MYH8: variants seen among roughly 807,000 people sequenced by gnomAD.
MYH8 encodes the protein myosin-8.
In MYH8, 168 loss-of-function variants were observed where a neutral mutation model predicts 233.2. The ratio of observed to expected loss-of-function variants is 0.72; its 90% confidence interval spans 0.64 to 0.82. MYH8 has a LOEUF of 0.82. Among genes scored for constraint, MYH8 ranks in the 40% least tolerant of loss-of-function variants. The pLI, the probability that MYH8 is intolerant of heterozygous loss-of-function variation, is 0.00. For synonymous variants in MYH8, 785 were observed against 850.6 expected (o/e 0.92, Z 1.34); for missense variants, 1,995 against 2,327.8 (o/e 0.86, Z 2.94).
rs555824469 is a variant in MYH8, at chr17:10,418,496, A to T, written c.511+149T>A. ...AGGTAGCTGCTGGGAAGAGCATAAG[A>T]TGTCACAGCTGTGAAAGTTTTTTGA... On this transcript the variant is annotated intron_variant, in intron 5 of 39. Transcript: ENST00000403437. 3.6e-6 allele frequency: 5 copies of T among 1,384,096 alleles called. No homozygotes were observed. The South Asian group carries it at 5.0e-5, about 14-fold the overall frequency. 85.7% of individuals were successfully genotyped at this position (1,384,096 alleles called of 1,614,324 possible).
At position 10,415,944 on chromosome 17, in the gene MYH8, G is replaced by A. The variant is rs995033079; in HGVS notation, c.512-236C>T. 1.3e-5 allele frequency among the ~76,000 whole-genome samples: 2 copies of A among 152,126 alleles called. No individual in the cohort carries two copies. The highest frequency in any genetic ancestry group is 4.8e-5 in the African/African-American group (2 of 41,420). ...ATTTATTAATTTTTAATTGCGATGA[G>A]ATACACATAACATAAAATTTACCAT... is the stretch of plus-strand genomic sequence containing the variant. On this transcript the variant is annotated intron_variant, in intron 5 of 39. Transcript: ENST00000403437. The surrounding 1 kb of genome is among the most constrained non-coding windows in gnomAD (Gnocchi z 4.1).
intron 14 of MYH8, among the ~76,000 whole-genome samples, chr17:10,411,576 A>G (rs2072245289): frequency 6.6e-6 from 1 of 152,166 alleles, no homozygotes; most frequent in African/African-American, 2.4e-5. Flanking sequence ...GTAAAAGGGA[A>G]AGGAGTTGAT....
intron 38 of MYH8, 67 bp downstream of exon 38, chr17:10,392,475 A>T (rs2072034904): frequency 7.3e-7 from 1 of 1,361,178 alleles, no homozygotes; most frequent in Non-Finnish European, 1.1e-6. Flanking sequence ...ATAAATAAAT[A>T]GTCATAAGGT....
chr17:10,416,777 A>G (rs2072293591), intron 5 of MYH8, among the ~76,000 whole-genome samples: 1 of 152,180 alleles, frequency 6.6e-6, no homozygotes, highest in South Asian at 2.1e-4. Context: ...GGTTATTAAT[A>G]TTTGGCCAAT....
Position 10,396,212 on chromosome 17 carries a change from A to G in MYH8, c.4653+118T>C. 8.3e-7 allele frequency: 1 copy of G among 1,204,972 alleles called. No homozygotes were observed. Among genetic ancestry groups the G allele is most frequent in the Non-Finnish European group, 1.2e-6 (1 of 848,844 alleles). The allele number at this position is 1,204,972 out of a possible 1,614,324, so 74.6% of individuals were successfully genotyped here. Reference sequence around the variant, plus strand: ...ATTTACATTTTTAAGGATTTTGATAACTATTGCCAAGTTGTCCTTCATAAA... The same window carrying G: ...ATTTACATTTTTAAGGATTTTGATAGCTATTGCCAAGTTGTCCTTCATAAA... On this transcript the variant is annotated intron_variant, in intron 33 of 39. Transcript: ENST00000403437. This position sits in a 1 kb window ranked among gnomAD's most constrained non-coding sequence, Gnocchi z 4.2.
intron 17 of MYH8, 109 bp from the exon 18 acceptor site, chr17:10,407,088 G>T: frequency 1.2e-6 from 1 of 833,098 alleles, no homozygotes; most frequent in Non-Finnish European, 2.0e-6. Context: ...GCATGCATCT[G>T]TGAGGCTTCA....
In MYH8 at chr17:10,415,107, G is replaced by A. The variant is rs75468422; in HGVS notation, c.805+9C>T. The A allele has an allele frequency of 7.7e-4, 1,239 of 1,610,198 alleles. 9 individuals are homozygous for A. The African/African-American group carries it at 0.014, about 18-fold the overall frequency. On this transcript the variant is annotated intron_variant, in intron 9 of 39. Transcript: ENST00000403437. The surrounding 1 kb of genome is among the most constrained non-coding windows in gnomAD (Gnocchi z 4.1). ...CTCTGTTTTGATTTTCAATGGTCCT[G>A]TTACTCACATGTTTCTATATCAGCA...
chr17:10,398,537 C>T lies in MYH8; in HGVS notation c.4085G>A (p.Arg1362Lys). 3.1e-6 allele frequency: 5 copies of T among 1,614,170 alleles called. No homozygotes were observed. Among genetic ancestry groups the T allele is most frequent in the Non-Finnish European group, 4.2e-6 (5 of 1,180,034 alleles). ...EEQEGKAELQ[R>K]ALSKANSEVA... ...CTCACTGTTGGCCTTGGACAGCGCC[C>T]TCTGCAGCTCAGCTTTGCCTTCCTG... Residue 1362 changes from arginine (R) to lysine (K), a missense_variant, in exon 30 of 40, where the codon AGG becomes AAG. This residue lies in a region of MYH8 where 1,498 missense variants were observed against 1,680.9 expected (regional missense o/e 0.89). Coordinates refer to ENST00000403437, the MANE Select transcript of MYH8 (RefSeq NM_002472.3).
In MYH8 at chr17:10,415,329, T is replaced by C. The variant is rs2072280172; in HGVS notation, c.704A>G (p.Asn235Ser). The C allele has an allele frequency of 1.2e-6, 2 of 1,614,212 alleles. No homozygotes were observed. The change falls in exon 8 of 40, where the codon AAT becomes AGT. Residue 235 changes from asparagine to serine, a missense_variant. Asn to Ser is a conservative substitution (Grantham distance 46, BLOSUM62 1). Around this residue, in one of 3 missense-constraint regions of MYH8, gnomAD observed 479 missense variants for 600.9 expected, o/e 0.80. Coordinates refer to ENST00000403437, the MANE Select transcript of MYH8 (RefSeq NM_002472.3). This position sits in a 1 kb window ranked among gnomAD's most constrained non-coding sequence, Gnocchi z 4.1. Reference sequence around the variant, plus strand: ...GTTGTCATTCCTCACAGTTTTGGCATTGCCAAAGGCCTCCAGTAGGGGATT... The same window carrying C: ...GTTGTCATTCCTCACAGTTTTGGCACTGCCAAAGGCCTCCAGTAGGGGATT... ...SANPLLEAFG[N>S]AKTVRNDNSS...
At chr17:10,394,559 T>G (rs919410028) in intron 34 of MYH8, 107 bp from the exon 35 acceptor site, 10 of 1,336,834 alleles carry the variant, frequency 7.5e-6, no homozygotes, top group Non-Finnish European at 9.4e-6. Context: ...AGATGACATA[T>G]GCCTGTCATT....
intron 12 of MYH8, among the ~76,000 whole-genome samples, chr17:10,413,237 G>A (rs932752511): frequency 1.3e-5 from 2 of 152,132 alleles, no homozygotes; most frequent in South Asian, 4.1e-4. Context: ...TGACTATAAC[G>A]TAAATAAATG....
rs762222027 is a variant in MYH8, at chr17:10,400,688, A to C, written c.3437T>G (p.Leu1146Arg). 2 of 1,614,090 alleles carry C rather than the reference A, an allele frequency of 1.2e-6. No homozygotes were observed. The highest frequency in any genetic ancestry group is 3.3e-5 in the Admixed American group (2 of 60,032). The change falls in exon 27 of 40, where the codon CTG becomes CGG. Residue 1146 changes from leucine (L) to arginine (R), a missense_variant. By Grantham distance (102) the Leu-to-Arg change is moderately radical (BLOSUM62 -2). This residue lies in a region of MYH8 where 1,498 missense variants were observed against 1,680.9 expected (regional missense o/e 0.89). Transcript: ENST00000403437. The surrounding 1 kb of genome is among the most constrained non-coding windows in gnomAD (Gnocchi z 4.0). ...EKQRSDLSRE[L>R]EEISERLEEA... is the part of the protein sequence containing the mutation. Reference sequence around the variant, plus strand: ...TTCCAGCCTCTCGCTGATCTCCTCCAGTTCCCGGGAGAGGTCAGAGCGCTG... The same window carrying C: ...TTCCAGCCTCTCGCTGATCTCCTCCCGTTCCCGGGAGAGGTCAGAGCGCTG...
chr17:10,393,079 T>C lies in MYH8; in HGVS notation c.5292+6A>G. The C allele has an allele frequency of 6.2e-7, 1 of 1,614,248 alleles. No individual in the cohort carries two copies. The highest frequency in any genetic ancestry group is 1.1e-5 in the South Asian group (1 of 91,086). On this transcript the variant is annotated splice_donor_region_variant and intron_variant, in intron 36 of 39. Coordinates refer to ENST00000403437, the MANE Select transcript of MYH8 (RefSeq NM_002472.3). ...TACGTGTCAGTAGGCCAAATGTTCA[T>C]CTTACATCAGTGATGGCCTTCTTGG...
At chr17:10,403,620 T>G (rs1306873143) in intron 22 of MYH8, among the ~76,000 whole-genome samples, 2 of 152,034 alleles carry the variant, frequency 1.3e-5, no homozygotes, top group African/African-American at 4.8e-5. Flanking sequence ...TTCATATAAA[T>G]GAAGGTATCA....
Position 10,396,853 on chromosome 17 carries a change from A to C in MYH8, c.4312T>G (p.Ser1438Ala). The change falls in exon 31 of 40, where the codon TCT becomes GCT. Residue 1438 changes from serine to alanine, a missense_variant. Ser to Ala is a moderately conservative substitution (Grantham distance 99, BLOSUM62 1). Transcript: ENST00000403437. The surrounding 1 kb of genome is among the most constrained non-coding windows in gnomAD (Gnocchi z 4.2). ...VEDLMLDVER[S>A]NAACAALDKK... ...TCAAGGGCTGCACAGGCTGCATTAGACCTTTCCACATCAAGCATGAGGTCT... is the reference window on the plus strand; with the variant it reads ...TCAAGGGCTGCACAGGCTGCATTAGCCCTTTCCACATCAAGCATGAGGTCT... The C allele has an allele frequency of 6.2e-7, 1 of 1,614,180 alleles. No individual in the cohort carries two copies. The highest frequency in any genetic ancestry group is 8.5e-7 in the Non-Finnish European group (1 of 1,180,038).
At chr17:10,421,478 G>C (rs2072339440) in intron 2 of MYH8, among the ~76,000 whole-genome samples, 185 bp downstream of exon 2, 1 of 152,136 alleles carries the variant, frequency 6.6e-6, no homozygotes, top group Non-Finnish European at 1.5e-5. Context: ...CCCAAATGAG[G>C]ATAGTCTCTG....
Position 10,395,210 on chromosome 17 carries a change from C to G in MYH8, c.4885G>C (p.Glu1629Gln), listed in dbSNP as rs1278781469. The change falls in exon 34 of 40, where the codon GAA (glutamate) becomes CAA (glutamine). Residue 1629 changes from glutamate to glutamine, a missense_variant. Coordinates refer to ENST00000403437, the MANE Select transcript of MYH8 (RefSeq NM_002472.3). ...KKMEGDLNEMEIQLNHANRLA... is the reference protein window; with the variant it reads ...KKMEGDLNEMQIQLNHANRLA... ...CGATTGGCATGGTTCAGCTGGATTT[C>G]CATTTCATTCAGATCTCCTTCCATT... The G allele has an allele frequency of 1.9e-6, 3 of 1,614,132 alleles. No individual in the cohort carries two copies. The highest frequency in any genetic ancestry group is 2.5e-6 in the Non-Finnish European group (3 of 1,180,030).
chr17:10,413,669 G>T (rs1279460858), intron 12 of MYH8, among the ~76,000 whole-genome samples: 1 of 152,102 alleles, frequency 6.6e-6, no homozygotes, highest in African/African-American at 2.4e-5. Context: ...CTCATAGTTT[G>T]TGCTTATAAG....
chr17:10,405,442 C>A (rs1161777830), intron 21 of MYH8, among the ~76,000 whole-genome samples: 1 of 152,092 alleles, frequency 6.6e-6, no homozygotes, highest in Non-Finnish European at 1.5e-5. Context: ...AAAGCAGATA[C>A]CTTGACACAA....
Sources: gnomAD v4.1 joint callset for allele counts (sites outside exome capture counted in the v4.1 genomes callset) on GRCh38, gnomAD v4.1.1 for gene constraint, gnomAD v4.1.1 regional missense constraint, Gnocchi (gnomAD v3.1) non-coding constraint, MANE v1.5 for transcripts, NCBI Gene and HGNC (gene_info 2026-07-23, HGNC 2026-07-21) for gene names.